Variants in NFIA observed in about 807,000 individuals in gnomAD.
The protein encoded by NFIA is nuclear factor I A, also known as nuclear factor 1 A-type.
In NFIA, 8 loss-of-function variants were observed where a neutral mutation model predicts 62.8. The observed-to-expected ratio is 0.13, with a 90% CI of 0.07 to 0.23. The LOEUF is 0.23. Among genes scored for constraint, NFIA ranks in the 10% least tolerant of loss-of-function variants. The pLI, the probability that NFIA is intolerant of heterozygous loss-of-function variation, is 1.00. For missense variants in NFIA, 410 were observed against 642.1 expected (o/e 0.64, Z 3.91); for synonymous variants, 235 against 238.1 (o/e 0.99, Z 0.12).
intron 2 of NFIA, among the ~76,000 whole-genome samples, chr1:61,214,236 C>A (rs1464380447): frequency 6.6e-6 from 1 of 152,138 alleles, no homozygotes; most frequent in African/African-American, 2.4e-5. Flanking sequence ...CTCTTTTGTT[C>A]CGCAAAGGGT....
chr1:61,408,897 C>CCATTA (rs1665973689), intron 9 of NFIA, among the ~76,000 whole-genome samples: 1 of 152,224 alleles, frequency 6.6e-6, no homozygotes, highest in East Asian at 1.9e-4. Flanking sequence ...TAGTGGAAGA[C>CCATTA]TCCAGGCTTG....
intron 2 of NFIA, among the ~76,000 whole-genome samples, chr1:61,255,856 A>C (rs541172984): frequency 1.3e-5 from 2 of 152,312 alleles, no homozygotes; most frequent in African/African-American, 4.8e-5. Context: ...TTTGTTGTAT[A>C]ATACAGATCT....
At chr1:61,111,671 A>G (rs1646695891) in intron 2 of NFIA, among the ~76,000 whole-genome samples, 1 of 152,136 alleles carries the variant, frequency 6.6e-6, no homozygotes, top group African/African-American at 2.4e-5. Flanking sequence ...ACCCACATTC[A>G]CAGCTAGTTA....
intron 3 of NFIA, among the ~76,000 whole-genome samples, chr1:61,279,677 C>CCG (rs1187686921): frequency 6.6e-6 from 1 of 152,096 alleles, no homozygotes; most frequent in African/African-American, 2.4e-5. Context: ...TTAGGTCTGG[C>CCG]CGCCCCTCTA....
At chr1:61,092,665 G>C (rs1646340945) in intron 2 of NFIA, among the ~76,000 whole-genome samples, 1 of 152,156 alleles carries the variant, frequency 6.6e-6, no homozygotes, top group African/African-American at 2.4e-5. Flanking sequence ...TTGTTCTGCT[G>C]TACCTCATAT....
intron 2 of NFIA, among the ~76,000 whole-genome samples, chr1:61,162,576 G>A (rs951372678): frequency 4.6e-5 from 7 of 152,116 alleles, no homozygotes; most frequent in South Asian, 2.1e-4. Flanking sequence ...AGGGTTCCAC[G>A]GGCACTATCC....
intron 2 of NFIA, among the ~76,000 whole-genome samples, chr1:61,102,780 C>G (rs1302462469): frequency 6.6e-6 from 1 of 152,086 alleles, no homozygotes; most frequent in Non-Finnish European, 1.5e-5. Context: ...TGTCCAACAT[C>G]TGGAAGAACG....
At chr1:61,453,950 GTT>G (rs987478678) in intron 10 of NFIA, among the ~76,000 whole-genome samples, 7 of 152,204 alleles carry the variant, frequency 4.6e-5, no homozygotes, top group Admixed American at 1.3e-4. Context: ...AGGATGCGTA[GTT>G]TTTCGGTCTG....
intron 2 of NFIA, among the ~76,000 whole-genome samples, chr1:61,153,375 C>G (rs866857895): frequency 6.6e-6 from 1 of 151,994 alleles, no homozygotes; most frequent in Non-Finnish European, 1.5e-5. Flanking sequence ...AAATCTGATT[C>G]AGGTTAGCCG....
chr1:61,229,578 GA>G (rs1323754599), intron 2 of NFIA, among the ~76,000 whole-genome samples: 1 of 152,114 alleles, frequency 6.6e-6, no homozygotes, highest in Non-Finnish European at 1.5e-5. Flanking sequence ...TTCATTTATT[GA>G]ATGCCTACTA....
chr1:61,286,155 G>T (rs1182033190), intron 3 of NFIA, among the ~76,000 whole-genome samples: 1 of 152,018 alleles, frequency 6.6e-6, no homozygotes, highest in Non-Finnish European at 1.5e-5. Context: ...AGGCCGGGCA[G>T]GATGGCTCAC....
At chr1:61,226,999 C>G (rs1014892258) in intron 2 of NFIA, among the ~76,000 whole-genome samples, 2 of 152,204 alleles carry the variant, frequency 1.3e-5, no homozygotes, top group Non-Finnish European at 2.9e-5. Context: ...AACTGCACAG[C>G]TACACTGACC....
At chr1:61,332,487 T>A (rs1557712235) in intron 3 of NFIA, 25 bp from the exon 4 acceptor site, 8 of 1,607,066 alleles carry the variant, frequency 5.0e-6, no homozygotes, top group Non-Finnish European at 6.0e-6. Context: ...TGACACTTTG[T>A]TTTCTTTTGT....
intron 2 of NFIA, among the ~76,000 whole-genome samples, chr1:61,235,503 T>TAAATAAATAAATAAAA (rs1170393926): frequency 7.3e-6 from 1 of 136,688 alleles, no homozygotes; most frequent in African/African-American, 2.7e-5. Context: ...AATAAATAAA[T>TAAATAAATAAATAAAA]AAAAATAAAA....
chr1:61,154,536 C>T (rs1444654148), intron 2 of NFIA, among the ~76,000 whole-genome samples: 6 of 152,184 alleles, frequency 3.9e-5, no homozygotes, highest in East Asian at 3.8e-4. Context: ...CTGCAGCCCT[C>T]GCCTTCTGGG....
chr1:61,260,052 C>T (rs1656660475), intron 2 of NFIA, among the ~76,000 whole-genome samples: 1 of 152,084 alleles, frequency 6.6e-6, no homozygotes, highest in African/African-American at 2.4e-5. Context: ...GAAAAAAAAT[C>T]AAGGGAATGG....
Position 61,456,832 on chromosome 1 carries a change from CAA to C in NFIA, c.*1517_*1518del, listed in dbSNP as rs1196498113. On this transcript the variant is annotated 3_prime_UTR_variant, in exon 11 of 11. Coordinates refer to ENST00000403491, the MANE Select transcript of NFIA (RefSeq NM_001134673.4). ...AAAAAACAAAAACAAAAAAAAAACA[CAA>C]AAAACCACAGAAACAAAAACAAAAA... The C allele has an allele frequency of 7.1e-6, 1 of 141,354 alleles. No individual in the cohort carries two copies. The highest frequency in any genetic ancestry group is 2.6e-5 in the African/African-American group (1 of 38,008). 8.8% of individuals were successfully genotyped at this position (141,354 alleles called of 1,614,324 possible). A position where few individuals can be genotyped will look rare whatever the true frequency, so the allele number is the denominator to read the frequency against.
intron 4 of NFIA, among the ~76,000 whole-genome samples, chr1:61,344,853 TC>T: frequency 6.6e-6 from 1 of 152,236 alleles, no homozygotes; most frequent in East Asian, 1.9e-4. Flanking sequence ...GGAAATTTTT[TC>T]CATCATCCTC....
intron 8 of NFIA, among the ~76,000 whole-genome samples, chr1:61,405,822 A>G (rs1476746487): frequency 6.6e-6 from 1 of 152,216 alleles, no homozygotes; most frequent in Non-Finnish European, 1.5e-5. Flanking sequence ...TTTTTGTTAA[A>G]GAGCTGTTAT....
Sources: allele counts gnomAD v4.1 joint callset (sites outside exome capture counted in the v4.1 genomes callset), GRCh38; gene constraint gnomAD v4.1.1; transcripts MANE v1.5; gene names NCBI Gene and HGNC (gene_info 2026-07-23, HGNC 2026-07-21).